The following C16orf92 variants were observed in gnomAD, a reference collection of about 807,000 sequenced individuals.
The protein encoded by C16orf92 is fertilization-influencing membrane protein 1.
C16orf92 carries 14 observed loss-of-function variants against 13.7 expected under a neutral mutation model. That is an observed-to-expected ratio of 1.02 (90% CI 0.67 to 1.60). The LOEUF is 1.60. Among genes scored for constraint, C16orf92 ranks in the 40% most tolerant of loss-of-function variants. C16orf92 has a pLI of 0.00. For missense variants in C16orf92, 116 were observed against 139.0 expected (o/e 0.83, Z 0.83); for synonymous variants, 50 against 57.4 (o/e 0.87, Z 0.58).
Position 30,023,890 on chromosome 16 carries a change from GA to G in C16orf92, c.223+7del, listed in dbSNP as rs1233777958. The G allele has an allele frequency of 1.2e-6, 2 of 1,608,858 alleles. No individual in the cohort carries two copies. The highest frequency in any genetic ancestry group is 1.7e-6 in the Non-Finnish European group (2 of 1,175,306). On this transcript the variant is annotated splice_donor_region_variant and intron_variant, in intron 2 of 3. Coordinates refer to ENST00000681219, the MANE Select transcript of C16orf92 (RefSeq NM_001109659.2). ...CCATCGTGTTCATTAACTCAGGTAT[GA>G]ACCAGCTTGAGAAGGGACCTCCCTC...
At chr16:30,025,788 C>G, downstream of C16orf92, 1 of 1,614,100 alleles carries the variant, frequency 6.2e-7, no homozygotes, top group Non-Finnish European at 8.5e-7. This position sits in a 1 kb window ranked among gnomAD's most constrained non-coding sequence, Gnocchi z 4.1. Context: ...AACATGCAAC[C>G]CAGAAAGAAG....
Position 30,024,450 on chromosome 16 carries a change from T to A in C16orf92, c.*223T>A. 1 of 641,914 alleles carries A rather than the reference T, an allele frequency of 1.6e-6. No homozygotes were observed. Among genetic ancestry groups the A allele is most frequent in the Non-Finnish European group, 2.6e-6 (1 of 378,462 alleles). The allele number at this position is 641,914 out of a possible 1,614,324, so 39.8% of individuals were successfully genotyped here. On this transcript the variant is annotated 3_prime_UTR_variant, in exon 4 of 4. Transcript: ENST00000681219. ...GGTGGCGTTCACGCAGATCGTCTTT[T>A]ATTAGCGGTCTGTAAAGCACCTCCC... is the stretch of plus-strand genomic sequence containing the variant.
chr16:30,027,268 G>A, downstream of C16orf92: 1 of 429,270 alleles, frequency 2.3e-6, no homozygotes, highest in Non-Finnish European at 4.7e-6. Flanking sequence ...AGAGGTCACA[G>A]GGGTGGACGC....
At chr16:30,026,457 G>A, downstream of C16orf92, 1 of 705,514 alleles carries the variant, frequency 1.4e-6, no homozygotes, top group South Asian at 1.9e-5. Context: ...GGTGCTCAGT[G>A]AACCCTGCCT....
downstream of C16orf92, chr16:30,025,147 T>A: frequency 1.6e-6 from 2 of 1,240,306 alleles, no homozygotes; most frequent in Non-Finnish European, 1.1e-6. This position sits in a 1 kb window ranked among gnomAD's most constrained non-coding sequence, Gnocchi z 4.1. Flanking sequence ...TCCACGGGGG[T>A]GGGGGTGGGG....
At chr16:30,026,847 T>C (rs749023914), downstream of C16orf92, 22 of 1,613,080 alleles carry the variant, frequency 1.4e-5, no homozygotes, top group Non-Finnish European at 1.8e-5. Context: ...CCAGTGTCTG[T>C]TGGGCAGAGA....
downstream of C16orf92, among the ~76,000 whole-genome samples, chr16:30,026,183 C>T (rs1239851467): frequency 6.6e-6 from 1 of 150,674 alleles, no homozygotes; most frequent in Non-Finnish European, 1.5e-5. Flanking sequence ...TTCAGTGAGC[C>T]GAGATCACAC....
chr16:30,025,295 G>A (rs1567294872), downstream of C16orf92: 1 of 1,554,182 alleles, frequency 6.4e-7, no homozygotes, highest in Non-Finnish European at 8.7e-7. The surrounding 1 kb of genome is among the most constrained non-coding windows in gnomAD (Gnocchi z 4.1). Context: ...GAGCAGCGCA[G>A]CGCCCAGGTT....
In C16orf92 at chr16:30,024,091, G is replaced by C. The variant is rs762778344; in HGVS notation, c.311+5G>C. 8.1e-6 allele frequency: 13 copies of C among 1,612,118 alleles called. No homozygotes were observed. In the Admixed American group the frequency reaches 2.0e-4, roughly 25 times the overall value. On this transcript the variant is annotated splice_donor_5th_base_variant and intron_variant, in intron 3 of 3. Coordinates refer to ENST00000681219, the MANE Select transcript of C16orf92 (RefSeq NM_001109659.2). ...TTTCCAGTTCTGCACCCACATGTAA[G>C]GCCTGCCCCCTTTCTCCAACCCCAC... is the stretch of plus-strand genomic sequence containing the variant.
downstream of C16orf92, chr16:30,027,572 A>G (rs1300633107): frequency 2.2e-6 from 1 of 455,942 alleles, no homozygotes; most frequent in African/African-American, 2.0e-5. Context: ...AAAGTCACCC[A>G]ATCTCTTGTC....
At position 30,024,006 on chromosome 16, in the gene C16orf92, C is replaced by T. The variant is rs2070970026; in HGVS notation, c.231C>T (p.Ser77=). ...KPIVFINSGS[S]PGLFHHILVG... is the part of the protein sequence containing the mutation. ...GTCCTGTTTGTCTAGCAGGTTCCAG[C>T]CCCGGGCTCTTCCATCACATCCTGG... Residue 77 remains serine, a synonymous_variant, in exon 3 of 4, where the codon AGC becomes AGT. Coordinates refer to ENST00000681219, the MANE Select transcript of C16orf92 (RefSeq NM_001109659.2). The T allele has an allele frequency of 3.1e-6, 5 of 1,613,566 alleles. No homozygotes were observed. In the East Asian group the frequency reaches 1.1e-4, roughly 36 times the overall value.
chr16:30,025,362 C>G (rs1237473872), downstream of C16orf92: 1 of 1,601,276 alleles, frequency 6.2e-7, no homozygotes, highest in Non-Finnish European at 8.5e-7. This position sits in a 1 kb window ranked among gnomAD's most constrained non-coding sequence, Gnocchi z 4.1. Context: ...GCATGGCGCC[C>G]GTAGGCCCAG....
chr16:30,023,523 C>A, intron 1 of C16orf92, 119 bp downstream of exon 1: 1 of 1,378,238 alleles, frequency 7.3e-7, no homozygotes, highest in East Asian at 2.4e-5. Flanking sequence ...CCACTCTTCT[C>A]TCCCATCCTG....
downstream of C16orf92, chr16:30,025,125 C>G: frequency 1.4e-5 from 17 of 1,225,210 alleles, no homozygotes; most frequent in Non-Finnish European, 1.9e-5. The surrounding 1 kb of genome is among the most constrained non-coding windows in gnomAD (Gnocchi z 4.1). Flanking sequence ...CCATCAGCCC[C>G]AGAGCCCTGT....
downstream of C16orf92, chr16:30,026,729 G>A (rs976302721): frequency 1.1e-5 from 17 of 1,613,940 alleles, no homozygotes; most frequent in Admixed American, 3.3e-5. Context: ...CCGCTCCGTC[G>A]TCCCCTCCAT....
At position 30,023,775 on chromosome 16, in the gene C16orf92, C is replaced by T. The variant is rs202191694; in HGVS notation, c.113C>T (p.Pro38Leu). ...ATASALGTES[P>L]RFLDRPDFFD... ...GCGTCAGCCCTGGGGACAGAGTCTC[C>T]GCGCTTCTTAGACAGACCTGACTTC... The change falls in exon 2 of 4, where the codon CCG becomes CTG. Residue 38 changes from proline to leucine, a missense_variant. Pro to Leu is a moderately conservative substitution (Grantham distance 98, BLOSUM62 -3). Transcript: ENST00000681219. 986 of 1,614,126 alleles carry T rather than the reference C, an allele frequency of 6.1e-4. 1 individual carries two copies. The highest frequency in any genetic ancestry group is 7.7e-4 in the Non-Finnish European group (910 of 1,179,988).
downstream of C16orf92, chr16:30,026,958 A>G: frequency 1.2e-6 from 1 of 853,740 alleles, no homozygotes. Context: ...TCTTGGGTAC[A>G]GATGAGGGAT....
At position 30,023,727 on chromosome 16, in the gene C16orf92, C is replaced by T; in HGVS notation, c.65C>T (p.Ala22Val). ...GTCACAGAGTTTGCTTGGGTCCTAG[C>T]ACCCAGACCCAAGCGTGCCACGGCG... Reference protein sequence around the residue: ...WLAALGAIETAPRPKRATASA... With the variant: ...WLAALGAIETVPRPKRATASA... The change falls in exon 2 of 4, where the codon GCA becomes GTA. Residue 22 changes from alanine to valine, a missense_variant and splice_region_variant. Physicochemically the swap from Ala to Val is moderately conservative, Grantham distance 64. Transcript: ENST00000681219. The T allele has an allele frequency of 6.2e-7, 1 of 1,614,048 alleles. No individual in the cohort carries two copies. The highest frequency in any genetic ancestry group is 8.5e-7 in the Non-Finnish European group (1 of 1,179,944).
intron 3 of C16orf92, 52 bp from the exon 4 acceptor site, chr16:30,024,154 G>C: frequency 1.2e-6 from 2 of 1,612,168 alleles, no homozygotes; most frequent in African/African-American, 2.7e-5. Context: ...GAAGACCCCA[G>C]TTCTAGCGGG....
Sources: allele counts gnomAD v4.1 joint callset (sites outside exome capture counted in the v4.1 genomes callset), GRCh38; gene constraint gnomAD v4.1.1; non-coding constraint Gnocchi (gnomAD v3.1); transcripts MANE v1.5; gene names NCBI Gene and HGNC (gene_info 2026-07-23, HGNC 2026-07-21).